Variants in APIP observed in about 807,000 individuals in gnomAD.
The protein encoded by APIP is methylthioribulose-1-phosphate dehydratase.
APIP carries 32 observed loss-of-function variants against 32.0 expected under a neutral mutation model. The ratio of observed to expected loss-of-function variants is 1.00; its 90% confidence interval spans 0.76 to 1.34. The LOEUF is 1.34. Among genes scored for constraint, APIP ranks in the 40% most tolerant of loss-of-function variants. The pLI is 0.00. For missense variants in APIP, 247 were observed against 298.6 expected (o/e 0.83, Z 1.27); for synonymous variants, 92 against 94.8 (o/e 0.97, Z 0.17).
At chr11:34,915,264 ATCT>A (rs1188054150) in intron 1 of APIP, among the ~76,000 whole-genome samples, 3 of 152,168 alleles carry the variant, frequency 2.0e-5, no homozygotes, top group South Asian at 2.1e-4. Context: ...TGTCTCCAAG[ATCT>A]TCTCTCTCTC....
intron 3 of APIP, among the ~76,000 whole-genome samples, chr11:34,890,135 A>G (rs1853161263): frequency 6.6e-6 from 1 of 152,162 alleles, no homozygotes; most frequent in African/African-American, 2.4e-5. Context: ...TGAAATTAGA[A>G]TAACTTTGCT....
rs1853247580 is a variant in APIP, at chr11:34,895,170, C to T, written c.58-60G>A. 12 of 1,412,226 alleles carry T rather than the reference C, an allele frequency of 8.5e-6. 1 individual carries two copies. The highest frequency in any genetic ancestry group is 1.2e-5 in the Non-Finnish European group (12 of 999,124). 87.5% of individuals were successfully genotyped at this position (1,412,226 alleles called of 1,614,324 possible). ...TCATTTTATCAAGTAACTATTCCAG[C>T]TGGTGTTTCTAATAAGAAGCCAATT... On this transcript the variant is annotated intron_variant, in intron 1 of 6. Transcript: ENST00000395787.
intron 1 of APIP, among the ~76,000 whole-genome samples, chr11:34,904,330 C>T (rs1853410570): frequency 6.6e-6 from 1 of 152,214 alleles, no homozygotes. Flanking sequence ...CATAGAATAT[C>T]ATCTCCATTG....
chr11:34,910,887 G>A (rs556191561), intron 1 of APIP, among the ~76,000 whole-genome samples: 4 of 152,246 alleles, frequency 2.6e-5, no homozygotes, highest in African/African-American at 9.6e-5. Flanking sequence ...TGTGGAAAGA[G>A]GAAGACATTA....
chr11:34,894,588 G>A (rs1853237421), intron 2 of APIP, among the ~76,000 whole-genome samples: 1 of 151,962 alleles, frequency 6.6e-6, no homozygotes, highest in Non-Finnish European at 1.5e-5. Context: ...AGTCAAGGCT[G>A]CAGTGAGCCA....
At position 34,895,036 on chromosome 11, in the gene APIP, A is replaced by G; in HGVS notation, c.132T>C (p.Thr44=). ...CATGCTTCAAGCTAATTCCTCCTCC[A>G]GTCCCAGTGACCCAGCCTAAATGGT... is the stretch of plus-strand genomic sequence containing the variant. ...QFYHLGWVTG[T]GGGISLKHGD... Residue 44 remains threonine, a synonymous_variant, in exon 2 of 7, where the codon ACT becomes ACC. Transcript: ENST00000395787. The G allele has an allele frequency of 1.2e-6, 2 of 1,614,126 alleles. No homozygotes were observed. The highest frequency in any genetic ancestry group is 2.2e-5 in the South Asian group (2 of 91,082).
rs1207116545 is a variant in APIP at position 34,888,760 on chromosome 11, G to A, written c.317C>T (p.Thr106Ile). 9 of 1,527,770 alleles carry A rather than the reference G, an allele frequency of 5.9e-6. No individual in the cohort carries two copies. In the East Asian group the frequency reaches 7.5e-5, roughly 13 times the overall value. 94.6% of individuals were successfully genotyped at this position (1,527,770 alleles called of 1,614,324 possible). A position where few individuals can be genotyped will look rare whatever the true frequency, so the allele number is the denominator to read the frequency against. ...QCTPLFMNAY[T>I]MRGAGAVIHT... ...ATATATTTTCTGCATACCTCTCATT[G>A]TGTAAGCATTCATGAAAAGAGGAGT... Residue 106 changes from threonine (T) to isoleucine (I), a missense_variant, in exon 4 of 7, where the codon ACA becomes ATA. Coordinates refer to ENST00000395787, the MANE Select transcript of APIP (RefSeq NM_015957.4).
At chr11:34,890,320 C>T (rs1222419791) in intron 3 of APIP, among the ~76,000 whole-genome samples, 184 bp downstream of exon 3, 5 of 152,108 alleles carry the variant, frequency 3.3e-5, no homozygotes, top group Admixed American at 2.6e-4. Context: ...TCAAAACATA[C>T]ACCGGTTGTA....
intron 1 of APIP, among the ~76,000 whole-genome samples, chr11:34,906,708 G>A (rs534412520): frequency 6.6e-6 from 1 of 152,262 alleles, no homozygotes; most frequent in East Asian, 1.9e-4. Context: ...AACACCTCTA[G>A]TAAAGCAGAG....
At chr11:34,903,909 G>A (rs1295746748) in intron 1 of APIP, among the ~76,000 whole-genome samples, 1 of 152,154 alleles carries the variant, frequency 6.6e-6, no homozygotes, top group African/African-American at 2.4e-5. Context: ...GTTTTCACTT[G>A]GGAAAGGATA....
chr11:34,914,524 G>C (rs1457317566), intron 1 of APIP, among the ~76,000 whole-genome samples: 1 of 152,088 alleles, frequency 6.6e-6, no homozygotes, highest in Non-Finnish European at 1.5e-5. Flanking sequence ...TATCTAGAGG[G>C]GCTCATGTAT....
intron 2 of APIP, 108 bp downstream of exon 2, chr11:34,894,902 G>T: frequency 1.1e-6 from 1 of 946,274 alleles, no homozygotes; most frequent in Non-Finnish European, 1.7e-6. Context: ...AAGACCTTCA[G>T]TATCACATAA....
chr11:34,892,229 AATAGAAAC>A (rs1335766085), intron 2 of APIP, among the ~76,000 whole-genome samples: 1 of 152,204 alleles, frequency 6.6e-6, no homozygotes, highest in Non-Finnish European at 1.5e-5. Flanking sequence ...AGCTTTTTAG[AATAGAAAC>A]ATGCCAAATA....
chr11:34,888,373 G>C lies in APIP; in HGVS notation c.381C>G (p.Leu127=). The change falls in exon 5 of 7, where the codon CTC becomes CTG. Residue 127 remains leucine (L), a synonymous_variant. Transcript: ENST00000395787. ...HSKAAVMATL[L]FPGREFKITH... The stretch of plus-strand genomic sequence containing the variant: ...TAATTTTAAACTCCCGTCCTGGAAA[G>C]AGAAGTGTGGCCATCACAGCAGCTT... The C allele has an allele frequency of 6.2e-7, 1 of 1,611,394 alleles. No homozygotes were observed. The highest frequency in any genetic ancestry group is 8.5e-7 in the Non-Finnish European group (1 of 1,178,768).
intron 1 of APIP, among the ~76,000 whole-genome samples, chr11:34,904,579 T>A (rs188665030): frequency 2.6e-5 from 4 of 152,228 alleles, no homozygotes; most frequent in Non-Finnish European, 5.9e-5. Context: ...TAGTTAAGCA[T>A]GTAACCTCTC....
intron 1 of APIP, among the ~76,000 whole-genome samples, chr11:34,913,516 T>A (rs2133926384): frequency 6.6e-6 from 1 of 152,268 alleles, no homozygotes; most frequent in African/African-American, 2.4e-5. Context: ...CGCAGGTTGT[T>A]CGTTCCTCCC....
intron 5 of APIP, among the ~76,000 whole-genome samples, chr11:34,883,801 A>G (rs972396656): frequency 1.3e-5 from 2 of 152,252 alleles, no homozygotes; most frequent in Non-Finnish European, 2.9e-5. Context: ...GTTTCCTTGA[A>G]GCAGGGACAA....
At chr11:34,905,739 C>T (rs766180387) in intron 1 of APIP, among the ~76,000 whole-genome samples, 6 of 152,058 alleles carry the variant, frequency 3.9e-5, no homozygotes, top group East Asian at 3.9e-4. Flanking sequence ...TTGGAAGCCC[C>T]GATGGGAGTG....
At position 34,915,869 on chromosome 11, in the gene APIP, G is replaced by A. The variant is rs3763931; in HGVS notation, c.57+359C>T. ...CGCAGAAAAGAAGCTTGGGGGGCGC[G>A]GTCTTCGCCCCAGCTCCACTTCGGT... is the stretch of plus-strand genomic sequence containing the variant. On this transcript the variant is annotated intron_variant, in intron 1 of 6. Coordinates refer to ENST00000395787, the MANE Select transcript of APIP (RefSeq NM_015957.4). 0.15 allele frequency: 50,025 copies of A among 328,206 alleles called. 5,524 individuals carry two copies. The highest frequency in any genetic ancestry group is 0.39 in the African/African-American group (18,027 of 46,274). The allele number at this position is 328,206 out of a possible 1,614,324, so 20.3% of individuals were successfully genotyped here. A position where few individuals can be genotyped will look rare whatever the true frequency, so the allele number is the denominator to read the frequency against.
Sources: allele counts gnomAD v4.1 joint callset (sites outside exome capture counted in the v4.1 genomes callset), GRCh38; gene constraint gnomAD v4.1.1; transcripts MANE v1.5; gene names NCBI Gene and HGNC (gene_info 2026-07-23, HGNC 2026-07-21).